FNDC3B: variants seen among roughly 807,000 people sequenced by gnomAD.
The protein encoded by FNDC3B is fibronectin type III domain-containing protein 3B.
Under a neutral mutation model 151.5 loss-of-function variants are expected in FNDC3B, and 12 were observed. That is an observed-to-expected ratio of 0.08 (90% CI 0.05 to 0.13). The LOEUF (loss-of-function observed/expected upper bound fraction) is 0.13. Among genes scored for constraint, FNDC3B ranks in the 10% least tolerant of loss-of-function variants. FNDC3B has a pLI of 1.00. For synonymous variants in FNDC3B, 528 were observed against 549.0 expected, an observed-to-expected ratio of 0.96 and a Z score of 0.54; for missense variants, 1,214 against 1,505.3, an observed-to-expected ratio of 0.81 and a Z score of 3.20.
chr3:172,103,244 A>T (rs890042733), intron 1 of FNDC3B, among the ~76,000 whole-genome samples: 1 of 152,096 alleles, frequency 6.6e-6, no homozygotes, highest in South Asian at 2.1e-4. Flanking sequence ...GAGGATGTGG[A>T]TCTGAGGTCA....
intron 3 of FNDC3B, among the ~76,000 whole-genome samples, chr3:172,196,832 G>A (rs1451101544): frequency 6.6e-6 from 1 of 152,130 alleles, no homozygotes; most frequent in African/African-American, 2.4e-5. Flanking sequence ...TTAATTAATG[G>A]GCAGTCTGTA....
At chr3:172,193,700 G>C (rs997871656) in intron 3 of FNDC3B, among the ~76,000 whole-genome samples, 1 of 151,878 alleles carries the variant, frequency 6.6e-6, no homozygotes, top group African/African-American at 2.4e-5. Context: ...CCTTGTGCTT[G>C]TACTCCATGT....
At chr3:172,299,034 A>G (rs574084098) in intron 9 of FNDC3B, among the ~76,000 whole-genome samples, 1 of 152,362 alleles carries the variant, frequency 6.6e-6, no homozygotes, top group East Asian at 1.9e-4. Context: ...GTAATTTTAC[A>G]TGGTCTTCTA....
chr3:172,388,831 A>T (rs965855242), intron 25 of FNDC3B, among the ~76,000 whole-genome samples: 14 of 152,140 alleles, frequency 9.2e-5, no homozygotes, highest in African/African-American at 2.4e-4. Context: ...GATTTCTGCA[A>T]GGCGGGGCAG....
At chr3:172,241,252 G>T (rs979032207) in intron 4 of FNDC3B, among the ~76,000 whole-genome samples, 11 of 152,094 alleles carry the variant, frequency 7.2e-5, no homozygotes, top group Admixed American at 6.5e-4. Flanking sequence ...GTTTAGTAGG[G>T]CTACCATAAC....
intron 3 of FNDC3B, among the ~76,000 whole-genome samples, chr3:172,173,682 A>G (rs987357713): frequency 2.0e-5 from 3 of 151,926 alleles, no homozygotes; most frequent in Admixed American, 1.3e-4. Flanking sequence ...TTAGCCAGGC[A>G]TAGTGGTGCA....
At chr3:172,191,885 T>C (rs116147345) in intron 3 of FNDC3B, among the ~76,000 whole-genome samples, 1 of 152,132 alleles carries the variant, frequency 6.6e-6, no homozygotes, top group African/African-American at 2.4e-5. Flanking sequence ...ATTGGAGCGC[T>C]GTGTAGAGGA....
chr3:172,105,533 T>C (rs1719602033), intron 1 of FNDC3B, among the ~76,000 whole-genome samples: 1 of 151,560 alleles, frequency 6.6e-6, no homozygotes, highest in Non-Finnish European at 1.5e-5. Flanking sequence ...TGTGATTCAG[T>C]AAGTCAGATT....
intron 23 of FNDC3B, among the ~76,000 whole-genome samples, chr3:172,377,149 A>G (rs953297958): frequency 1.3e-5 from 2 of 152,268 alleles, no homozygotes; most frequent in Non-Finnish European, 2.9e-5. Context: ...CAAGAGTCAG[A>G]CATTTTGGAT....
At chr3:172,209,132 G>T (rs567427782) in intron 3 of FNDC3B, among the ~76,000 whole-genome samples, 62 of 152,074 alleles carry the variant, frequency 4.1e-4, no homozygotes, top group African/African-American at 1.4e-3. Context: ...CGGGGGTGGG[G>T]GTGGGGGTCG....
At chr3:172,255,292 G>A (rs538453037) in intron 6 of FNDC3B, among the ~76,000 whole-genome samples, 1 of 152,162 alleles carries the variant, frequency 6.6e-6, no homozygotes, top group African/African-American at 2.4e-5. Flanking sequence ...TTTTGAGACG[G>A]AATTTCACTC....
chr3:172,227,155 T>C, intron 4 of FNDC3B: 1 of 486,682 alleles, frequency 2.1e-6, no homozygotes, highest in Non-Finnish European at 3.7e-6. Context: ...ACAGAAGGCC[T>C]ACTAGACTGT....
chr3:172,287,370 G>T (rs561923168), intron 7 of FNDC3B, among the ~76,000 whole-genome samples: 1 of 152,292 alleles, frequency 6.6e-6, no homozygotes, highest in African/African-American at 2.4e-5. Flanking sequence ...ATGTCTGGTA[G>T]GCCGATGCTG....
intron 23 of FNDC3B, among the ~76,000 whole-genome samples, chr3:172,370,280 T>TTCTAAA (rs1251861752): frequency 6.6e-6 from 1 of 152,196 alleles, no homozygotes; most frequent in Non-Finnish European, 1.5e-5. Flanking sequence ...TAAAGAAACA[T>TTCTAAA]TCTAAAGCTA....
chr3:172,330,663 G>T lies in FNDC3B; in HGVS notation c.1502G>T (p.Cys501Phe). Residue 501 changes from cysteine (C) to phenylalanine (F), a missense_variant, in exon 13 of 26, where the codon TGT (cysteine) becomes TTT (phenylalanine). Cys to Phe is a radical substitution (Grantham distance 205). Transcript: ENST00000415807. ...VTLQWSKPEG[C>F]SPEEVITYTL... ...TTGCAGTGGAGTAAGCCAGAAGGCTGTTCACCCGAGGAAGTGATCACCTAC... is the reference window on the plus strand; with the variant it reads ...TTGCAGTGGAGTAAGCCAGAAGGCTTTTCACCCGAGGAAGTGATCACCTAC... The T allele has an allele frequency of 6.2e-7, 1 of 1,614,080 alleles. No homozygotes were observed. The highest frequency in any genetic ancestry group is 8.5e-7 in the Non-Finnish European group (1 of 1,179,966).
At position 172,146,457 on chromosome 3, in the gene FNDC3B, CAGGGGAATTGTCAGATTGT is replaced by C. The variant is rs977510486; in HGVS notation, c.187+12932_187+12950del. 1.4e-4 allele frequency among the ~76,000 whole-genome samples: 21 copies of C among 152,074 alleles called. No homozygotes were observed. The South Asian group carries it at 1.9e-3, about 14-fold the overall frequency. ...AGGGAAGTGTCACATTGTCTGAGCC[CAGGGGAATTGTCAGATTGT>C]AGGGGAATTGTCAGATTGTAAGGGT... is the stretch of plus-strand genomic sequence containing the variant. On this transcript the variant is annotated intron_variant, in intron 3 of 25. Transcript: ENST00000415807.
At chr3:172,331,358 T>C (rs1251389639) in intron 13 of FNDC3B, among the ~76,000 whole-genome samples, 3 of 152,076 alleles carry the variant, frequency 2.0e-5, no homozygotes, top group African/African-American at 4.8e-5. Context: ...TCTGTTCTTT[T>C]TGTTTTGTTT....
intron 3 of FNDC3B, among the ~76,000 whole-genome samples, chr3:172,149,687 A>G (rs749834095): frequency 1.3e-5 from 2 of 151,964 alleles, no homozygotes; most frequent in Admixed American, 6.6e-5. Flanking sequence ...CTAAAATTTT[A>G]TAAGCATATG....
intron 12 of FNDC3B, 39 bp downstream of exon 12, chr3:172,329,115 G>A: frequency 6.3e-7 from 1 of 1,580,432 alleles, no homozygotes; most frequent in Admixed American, 1.7e-5. Flanking sequence ...TCAGCCTTTG[G>A]ATGGTGATCC....
Sources: gnomAD v4.1 joint callset for allele counts (sites outside exome capture counted in the v4.1 genomes callset) on GRCh38, gnomAD v4.1.1 for gene constraint, MANE v1.5 for transcripts, NCBI Gene and HGNC (gene_info 2026-07-23, HGNC 2026-07-21) for gene names.